The following AUTS2 variants were observed in gnomAD, a reference collection of about 807,000 sequenced individuals.
AUTS2 encodes activator of transcription and developmental regulator AUTS2.
AUTS2 carries 17 observed loss-of-function variants against 112.4 expected under a neutral mutation model. That is an observed-to-expected ratio of 0.15 (90% CI 0.10 to 0.23). The LOEUF (loss-of-function observed/expected upper bound fraction) is 0.23, where lower values mean the gene tolerates loss of function less well. AUTS2 is among the 10% of genes least tolerant of loss of function. The pLI is 1.00. For synonymous variants in AUTS2, 751 were observed against 702.7 expected (o/e 1.07, Z -1.09); for missense variants, 1,510 against 1,701.6 (o/e 0.89, Z 1.98).
chr7:70,498,512 A>G (rs1343182632), intron 5 of AUTS2, among the ~76,000 whole-genome samples: 1 of 152,088 alleles, frequency 6.6e-6, no homozygotes, highest in Non-Finnish European at 1.5e-5. Flanking sequence ...CCTGGTCTCA[A>G]GTGTTTCTCT....
chr7:70,246,854 C>CT (rs992009507), intron 4 of AUTS2, among the ~76,000 whole-genome samples: 2 of 151,766 alleles, frequency 1.3e-5, no homozygotes, highest in African/African-American at 4.8e-5. Flanking sequence ...TTATTTAAAT[C>CT]TTTTTTCTCC....
At chr7:70,507,839 C>G (rs905915335) in intron 5 of AUTS2, among the ~76,000 whole-genome samples, 1 of 152,082 alleles carries the variant, frequency 6.6e-6, no homozygotes, top group Non-Finnish European at 1.5e-5. Context: ...ACATAAAAAC[C>G]AACCCAAAAT....
intron 1 of AUTS2, among the ~76,000 whole-genome samples, chr7:69,669,485 G>C (rs1056821577): frequency 2.6e-5 from 4 of 151,736 alleles, no homozygotes; most frequent in African/African-American, 9.7e-5. Flanking sequence ...CCATTGTTTG[G>C]CTATATCATA....
At chr7:69,616,559 T>C (rs1056666923) in intron 1 of AUTS2, among the ~76,000 whole-genome samples, 1 of 152,202 alleles carries the variant, frequency 6.6e-6, no homozygotes, top group African/African-American at 2.4e-5. Context: ...GTAAATATTC[T>C]AGGGATGCAA....
At chr7:70,314,320 T>A (rs1017306636) in intron 4 of AUTS2, among the ~76,000 whole-genome samples, 2 of 152,228 alleles carry the variant, frequency 1.3e-5, no homozygotes, top group Non-Finnish European at 2.9e-5. Context: ...CTCTATAATC[T>A]CTTCTCTGGA....
intron 5 of AUTS2, among the ~76,000 whole-genome samples, chr7:70,663,144 C>G (rs1807157893): frequency 6.6e-6 from 1 of 152,186 alleles, no homozygotes; most frequent in Non-Finnish European, 1.5e-5. Flanking sequence ...CCTGTAATCC[C>G]AGCACTTTGG....
At chr7:70,700,529 C>T (rs891956271) in intron 6 of AUTS2, among the ~76,000 whole-genome samples, 5 of 152,134 alleles carry the variant, frequency 3.3e-5, no homozygotes, top group African/African-American at 7.2e-5. Context: ...GGAATCAGTG[C>T]GAATCCAGGT....
At chr7:70,732,980 C>G (rs770963220) in intron 6 of AUTS2, among the ~76,000 whole-genome samples, 26 of 152,214 alleles carry the variant, frequency 1.7e-4, no homozygotes, top group Non-Finnish European at 3.4e-4. Context: ...CACCTGTCTT[C>G]TCTGATTTTG....
chr7:69,672,960 CT>C (rs1796402988), intron 1 of AUTS2, among the ~76,000 whole-genome samples: 1 of 152,182 alleles, frequency 6.6e-6, no homozygotes, highest in Admixed American at 6.5e-5. Flanking sequence ...TTTGTACTAG[CT>C]TTTGGGTGAC....
intron 5 of AUTS2, among the ~76,000 whole-genome samples, chr7:70,616,554 G>A (rs1451099361): frequency 1.3e-5 from 2 of 152,160 alleles, no homozygotes; most frequent in African/African-American, 2.4e-5. Flanking sequence ...CTCCACAAGG[G>A]CAAGGTCTTA....
intron 1 of AUTS2, among the ~76,000 whole-genome samples, chr7:69,612,007 T>A (rs1445427063): frequency 6.6e-6 from 1 of 151,796 alleles, no homozygotes; most frequent in African/African-American, 2.4e-5. Context: ...CATTCAAGCT[T>A]CAAACTGTCC....
intron 4 of AUTS2, among the ~76,000 whole-genome samples, chr7:70,276,707 A>G (rs1361599940): frequency 6.6e-6 from 1 of 152,128 alleles, no homozygotes; most frequent in East Asian, 1.9e-4. Flanking sequence ...ATATAATATT[A>G]TAAGTATTCC....
intron 5 of AUTS2, among the ~76,000 whole-genome samples, chr7:70,470,196 T>G (rs1797325659): frequency 1.3e-5 from 2 of 152,232 alleles, no homozygotes; most frequent in South Asian, 4.1e-4. Context: ...GCCCAATCTC[T>G]GAAGTCTTTT....
intron 1 of AUTS2, among the ~76,000 whole-genome samples, chr7:69,801,105 C>T (rs981540523): frequency 1.1e-4 from 17 of 151,894 alleles, no homozygotes; most frequent in Admixed American, 2.0e-4. Context: ...GATTCTTGCT[C>T]ACCATTTCCT....
At chr7:70,523,604 C>G (rs3113268) in intron 5 of AUTS2, among the ~76,000 whole-genome samples, 86,006 of 152,006 alleles carry the variant, frequency 0.57, 25,350 homozygotes, top group African/African-American at 0.71. Flanking sequence ...AGTTTGGGGG[C>G]GTCTAGGGGT....
At chr7:69,634,775 G>A (rs557826825) in intron 1 of AUTS2, among the ~76,000 whole-genome samples, 4 of 152,200 alleles carry the variant, frequency 2.6e-5, no homozygotes, top group Non-Finnish European at 5.9e-5. Flanking sequence ...GTGTATAAAA[G>A]AAGAGTTTTT....
At chr7:69,668,510 A>G (rs1369504828) in intron 1 of AUTS2, among the ~76,000 whole-genome samples, 2 of 152,218 alleles carry the variant, frequency 1.3e-5, no homozygotes, top group Non-Finnish European at 2.9e-5. Context: ...ATGCAGACAA[A>G]TACATTTTAG....
chr7:70,232,873 A>G (rs958875931), intron 4 of AUTS2, among the ~76,000 whole-genome samples: 2 of 152,212 alleles, frequency 1.3e-5, no homozygotes, highest in Non-Finnish European at 2.9e-5. Flanking sequence ...GCTCAATTCA[A>G]TAAATATTTG....
At chr7:69,738,299 G>C (rs997563383) in intron 1 of AUTS2, among the ~76,000 whole-genome samples, 1 of 151,932 alleles carries the variant, frequency 6.6e-6, no homozygotes, top group Non-Finnish European at 1.5e-5. Flanking sequence ...GGGGGACAAG[G>C]GTGGAGACAC....
Sources: allele counts gnomAD v4.1 joint callset (sites outside exome capture counted in the v4.1 genomes callset), GRCh38; gene constraint gnomAD v4.1.1; transcripts MANE v1.5; gene names NCBI Gene and HGNC (gene_info 2026-07-23, HGNC 2026-07-21).